The following SOS1 variants were observed in gnomAD, a reference collection of about 807,000 sequenced individuals.
SOS1 encodes the protein SOS Ras/Rac guanine nucleotide exchange factor 1.
Under a neutral mutation model 157.6 loss-of-function variants are expected in SOS1, and 25 were observed. The ratio of observed to expected loss-of-function variants is 0.16; its 90% CI spans 0.12 to 0.22. The LOEUF (loss-of-function observed/expected upper bound fraction) is 0.22, where lower values mean the gene tolerates loss of function less well. Among genes scored for constraint, SOS1 ranks in the 10% least tolerant of loss-of-function variants. The probability of loss-of-function intolerance (pLI) is 1.00; values close to 1 mark genes in which losing one functional copy is unlikely to be tolerated. For missense variants in SOS1, 1,237 were observed against 1,599.1 expected, an observed-to-expected ratio of 0.77 and a Z score of 3.86; for synonymous variants, 528 against 534.0, an observed-to-expected ratio of 0.99 and a Z score of 0.16.
intron 1 of SOS1, among the ~76,000 whole-genome samples, chr2:39,091,753 T>C (rs190271281): frequency 3.0e-4 from 45 of 152,234 alleles, no homozygotes; most frequent in Non-Finnish European, 8.8e-5. Context: ...GGGGATGCCA[T>C]TCTATAATAC....
At chr2:39,124,433 GAGGGGCGCGTCC>G (rs1674005202), upstream of SOS1, 1 of 152,312 alleles carries the variant, frequency 6.6e-6, no homozygotes. Flanking sequence ...CGAAGACCGA[GAGGGGCGCGTCC>G]AGGCGGGCTA....
At chr2:39,081,168 A>G (rs1462437060) in intron 1 of SOS1, among the ~76,000 whole-genome samples, 1 of 152,168 alleles carries the variant, frequency 6.6e-6, no homozygotes, top group African/African-American at 2.4e-5. Context: ...CTCAAAAACA[A>G]GAACAAAAAA....
chr2:39,076,375 G>A (rs1180651719), intron 1 of SOS1, among the ~76,000 whole-genome samples: 1 of 151,892 alleles, frequency 6.6e-6, no homozygotes, highest in Non-Finnish European at 1.5e-5. Flanking sequence ...CTCCAGCCTG[G>A]GTGACAGACT....
At chr2:39,083,838 G>A (rs1402889521) in intron 1 of SOS1, among the ~76,000 whole-genome samples, 1 of 152,154 alleles carries the variant, frequency 6.6e-6, no homozygotes, top group Non-Finnish European at 1.5e-5. Flanking sequence ...GATACACTGT[G>A]GAATATGATT....
At chr2:39,029,879 A>G (rs1670096494) in intron 8 of SOS1, among the ~76,000 whole-genome samples, 1 of 151,990 alleles carries the variant, frequency 6.6e-6, no homozygotes, top group Non-Finnish European at 1.5e-5. Context: ...ACCTCCATTG[A>G]TTCTCCACCA....
chr2:39,094,313 C>T (rs920785522), intron 1 of SOS1, among the ~76,000 whole-genome samples: 1 of 151,942 alleles, frequency 6.6e-6, no homozygotes, highest in African/African-American at 2.4e-5. Context: ...GGGTATAATG[C>T]ATACAAACAG....
intron 2 of SOS1, among the ~76,000 whole-genome samples, chr2:39,059,128 A>AC (rs1671315150): frequency 6.6e-6 from 1 of 152,138 alleles, no homozygotes; most frequent in Non-Finnish European, 1.5e-5. Flanking sequence ...AAGGAACAAC[A>AC]CCCAAGATCA....
Position 38,984,312 on chromosome 2 carries a change from C to G in SOS1, c.*1512G>C, listed in dbSNP as rs1348027902. 1.3e-5 allele frequency: 2 copies of G among 152,070 alleles called. No homozygotes were observed. The highest frequency in any genetic ancestry group is 4.8e-5 in the African/African-American group (2 of 41,426). 9.4% of individuals were successfully genotyped at this position (152,070 alleles called of 1,614,324 possible). On this transcript the variant is annotated 3_prime_UTR_variant, in exon 23 of 23. Transcript: ENST00000402219. ...TTCAACAAGGTGCATGCATTTCAGT[C>G]ACAGTATTTGTTAGACTCAGAAGAA...
At chr2:39,083,585 C>T (rs1346173161) in intron 1 of SOS1, among the ~76,000 whole-genome samples, 3 of 152,042 alleles carry the variant, frequency 2.0e-5, no homozygotes, top group African/African-American at 7.2e-5. Context: ...GAAGAGGGAT[C>T]CTCAATATAG....
chr2:39,106,756 C>G (rs1348180926), intron 1 of SOS1, among the ~76,000 whole-genome samples: 3 of 152,154 alleles, frequency 2.0e-5, no homozygotes, highest in African/African-American at 7.2e-5. Context: ...TTGCGCCTTT[C>G]TGCCTGTGAG....
chr2:39,122,523 C>G (rs1410172312), upstream of SOS1, among the ~76,000 whole-genome samples: 2 of 151,668 alleles, frequency 1.3e-5, no homozygotes, highest in Non-Finnish European at 2.9e-5. Flanking sequence ...AATCCCAGCA[C>G]TTTGGGAGGC....
rs727503436 is a variant in SOS1, at chr2:39,007,201, T to TA, written c.2511-9dup. On this transcript the variant is annotated splice_polypyrimidine_tract_variant and intron_variant, in intron 15 of 22. Transcript: ENST00000402219. The stretch of plus-strand genomic sequence containing the variant: ...TCAGTTTCTACAATACATCTGGGAA[T>TA]AAAAAAAAAGTGAACTAAAGGTTTT... The TA allele has an allele frequency of 4.3e-4, 664 of 1,539,184 alleles. 1 individual carries two copies. The highest frequency in any genetic ancestry group is 5.0e-4 in the Non-Finnish European group (560 of 1,115,800).
chr2:39,043,518 A>T (rs972680647), intron 6 of SOS1, among the ~76,000 whole-genome samples: 3 of 152,158 alleles, frequency 2.0e-5, no homozygotes, highest in Non-Finnish European at 2.9e-5. Flanking sequence ...AGATTGGCAA[A>T]ACTCATTGTC....
chr2:39,096,872 C>T (rs1469700797), intron 1 of SOS1, among the ~76,000 whole-genome samples: 3 of 149,924 alleles, frequency 2.0e-5, no homozygotes, highest in African/African-American at 4.9e-5. Context: ...GGCAACAGAG[C>T]GAGACTCCAT....
At chr2:39,113,476 C>T (rs1673517698) in intron 1 of SOS1, among the ~76,000 whole-genome samples, 1 of 151,692 alleles carries the variant, frequency 6.6e-6, no homozygotes, top group Non-Finnish European at 1.5e-5. Flanking sequence ...GCCACCATGC[C>T]CAGCAATATA....
At chr2:39,069,734 G>C (rs1358699919) in intron 1 of SOS1, among the ~76,000 whole-genome samples, 1 of 152,084 alleles carries the variant, frequency 6.6e-6, no homozygotes, top group African/African-American at 2.4e-5. Flanking sequence ...TTTTAGTGGA[G>C]ACGGGGTTTC....
Position 39,120,517 on chromosome 2 carries a change from C to A in SOS1, c.-95G>T. On this transcript the variant is annotated 5_prime_UTR_variant, in exon 1 of 23. Coordinates refer to ENST00000402219, the MANE Select transcript of SOS1 (RefSeq NM_005633.4). Reference sequence around the variant, plus strand: ...GAGCTCGCAGCGCGGAACAGGGCCGCGGCCCCACCGGACGGCCCGGCCCCC... The same window carrying A: ...GAGCTCGCAGCGCGGAACAGGGCCGAGGCCCCACCGGACGGCCCGGCCCCC... 8.6e-7 allele frequency: 1 copy of A among 1,168,160 alleles called. No individual in the cohort carries two copies. The highest frequency in any genetic ancestry group is 1.1e-6 in the Non-Finnish European group (1 of 947,696). The allele number at this position is 1,168,160 out of a possible 1,614,324, so 72.4% of individuals were successfully genotyped here. A position where few individuals can be genotyped will look rare whatever the true frequency, so the allele number is the denominator to read the frequency against.
chr2:39,059,353 C>T (rs1671323872), intron 2 of SOS1, among the ~76,000 whole-genome samples: 1 of 152,124 alleles, frequency 6.6e-6, no homozygotes, highest in South Asian at 2.1e-4. Context: ...CATAGTCATT[C>T]GTTTTTAACA....
At chr2:39,104,564 T>C (rs1673094703) in intron 1 of SOS1, among the ~76,000 whole-genome samples, 1 of 152,160 alleles carries the variant, frequency 6.6e-6, no homozygotes, top group African/African-American at 2.4e-5. Flanking sequence ...CTGAAGAAGC[T>C]AACCACAGCG....
Sources: gnomAD v4.1 joint callset for allele counts (sites outside exome capture counted in the v4.1 genomes callset) on GRCh38, gnomAD v4.1.1 for gene constraint, MANE v1.5 for transcripts, NCBI Gene and HGNC (gene_info 2026-07-23, HGNC 2026-07-21) for gene names.